Variants in UBE2K observed in about 807,000 individuals in gnomAD.
The protein encoded by UBE2K is ubiquitin conjugating enzyme E2 K, also known as ubiquitin-conjugating enzyme E2 K.
A neutral mutation model predicts 30.0 loss-of-function variants in UBE2K; 6 were observed. That is an observed-to-expected ratio of 0.20 (90% CI 0.11 to 0.39). UBE2K has a LOEUF of 0.39. UBE2K is among the 10% of genes least tolerant of loss of function. UBE2K has a pLI of 1.00. For missense variants in UBE2K, 61 were observed against 241.6 expected (o/e 0.25, Z 4.96); for synonymous variants, 86 against 83.7 (o/e 1.03, Z -0.15).
rs1015534165 is a variant in UBE2K at position 39,753,420 on chromosome 4, A to T, written c.217-2237A>T. Among the ~76,000 whole-genome samples the T allele has an allele frequency of 2.6e-5, 4 of 152,176 alleles. No homozygotes were observed. The South Asian group carries it at 8.3e-4, about 31-fold the overall frequency. On this transcript the variant is annotated intron_variant, in intron 3 of 6. Coordinates refer to ENST00000261427, the MANE Select transcript of UBE2K (RefSeq NM_005339.5). Reference sequence around the variant, plus strand: ...TACTGTCTTACTTAGCTTGCATTGTATTTGATATTTAGCCTTATAATAACA... The same window carrying T: ...TACTGTCTTACTTAGCTTGCATTGTTTTTGATATTTAGCCTTATAATAACA...
intron 1 of UBE2K, among the ~76,000 whole-genome samples, chr4:39,706,779 C>T (rs1216974819): frequency 6.6e-6 from 1 of 151,938 alleles, no homozygotes; most frequent in East Asian, 1.9e-4. Flanking sequence ...TTAACAGTTA[C>T]CGAACATGTT....
chr4:39,737,559 G>C, intron 2 of UBE2K, 46 bp downstream of exon 2: 1 of 1,193,500 alleles, frequency 8.4e-7, no homozygotes, highest in Non-Finnish European at 1.2e-6. Flanking sequence ...ATTAGAACTT[G>C]TCTGAAACAT....
At chr4:39,750,026 C>G (rs1480053542) in intron 3 of UBE2K, among the ~76,000 whole-genome samples, 1 of 152,044 alleles carries the variant, frequency 6.6e-6, no homozygotes, top group Non-Finnish European at 1.5e-5. Context: ...TGGTGAAACC[C>G]CATCTCTACT....
At chr4:39,714,517 C>CATATATATATATATATATATATAT (rs71645182) in intron 1 of UBE2K, 1 of 41,638 alleles carries the variant, frequency 2.4e-5, no homozygotes, top group South Asian at 1.4e-3. Context: ...TTAGAAGTTT[C>CATATATATATATATATATATATAT]ATATATATAT....
chr4:39,770,828 T>A, intron 4 of UBE2K: 1 of 1,547,486 alleles, frequency 6.5e-7, no homozygotes, highest in Non-Finnish European at 8.7e-7. Flanking sequence ...AGATGTCAGA[T>A]ACGTCCTCAT....
intron 1 of UBE2K, among the ~76,000 whole-genome samples, chr4:39,731,399 A>G (rs1720066621): frequency 6.6e-6 from 1 of 151,988 alleles, no homozygotes; most frequent in Non-Finnish European, 1.5e-5. Context: ...CATAAGCTTC[A>G]GAAAACACGG....
At chr4:39,740,524 C>T (rs750096657) in intron 2 of UBE2K, among the ~76,000 whole-genome samples, 1 of 147,980 alleles carries the variant, frequency 6.8e-6, no homozygotes. Context: ...GCCTGGGCGA[C>T]AGCGAGACTC....
chr4:39,713,255 G>T (rs1172042520), intron 1 of UBE2K, among the ~76,000 whole-genome samples: 2 of 139,498 alleles, frequency 1.4e-5, no homozygotes, highest in Non-Finnish European at 3.1e-5. Context: ...AAAATTAGGT[G>T]GTTTGTAGTT....
At chr4:39,768,809 T>G (rs1265836468) in intron 4 of UBE2K, among the ~76,000 whole-genome samples, 1 of 152,228 alleles carries the variant, frequency 6.6e-6, no homozygotes, top group Non-Finnish European at 1.5e-5. Context: ...TTCATTGTTT[T>G]TATAGTAGCC....
At chr4:39,770,316 C>T (rs1712699414) in intron 4 of UBE2K, 5 of 1,612,874 alleles carry the variant, frequency 3.1e-6, no homozygotes, top group Middle Eastern at 1.7e-4. Flanking sequence ...CTTGACACCA[C>T]GATGCACGTT....
intron 4 of UBE2K, among the ~76,000 whole-genome samples, chr4:39,762,927 C>T (rs903579978): frequency 9.3e-5 from 13 of 139,658 alleles, no homozygotes; most frequent in African/African-American, 3.4e-4. Context: ...CGCACCCGGC[C>T]AAAAAACACT....
At chr4:39,744,123 A>C (rs1720857649) in intron 2 of UBE2K, among the ~76,000 whole-genome samples, 2 of 152,148 alleles carry the variant, frequency 1.3e-5, no homozygotes, top group Admixed American at 6.6e-5. Context: ...TCAGCCTCCC[A>C]AAGTGCTGGG....
intron 4 of UBE2K, among the ~76,000 whole-genome samples, chr4:39,763,763 T>C (rs1370015086): frequency 6.6e-6 from 1 of 152,218 alleles, no homozygotes; most frequent in South Asian, 2.1e-4. Context: ...TTTATTTTTA[T>C]TTTTTGAGAC....
intron 4 of UBE2K, 47 bp from the exon 5 acceptor site, chr4:39,774,787 C>A: frequency 8.2e-7 from 1 of 1,222,732 alleles, no homozygotes; most frequent in Non-Finnish European, 1.1e-6. Flanking sequence ...TTTGCTTTTG[C>A]CTGCAGAGCC....
intron 1 of UBE2K, among the ~76,000 whole-genome samples, chr4:39,722,103 C>G (rs1412928351): frequency 6.6e-6 from 1 of 152,068 alleles, no homozygotes; most frequent in African/African-American, 2.4e-5. Context: ...AAAAAAACCC[C>G]AAACTTCTAT....
intron 1 of UBE2K, among the ~76,000 whole-genome samples, chr4:39,716,721 G>T (rs1719084916): frequency 6.6e-6 from 1 of 152,130 alleles, no homozygotes; most frequent in Admixed American, 6.6e-5. Flanking sequence ...AATGAGGCCA[G>T]ACACGGTGGC....
chr4:39,771,921 AC>A (rs1043293474), intron 4 of UBE2K, among the ~76,000 whole-genome samples: 4 of 151,944 alleles, frequency 2.6e-5, no homozygotes, highest in African/African-American at 9.7e-5. Context: ...ACTCACTATA[AC>A]CTTCGCCTCC....
chr4:39,766,151 T>C (rs1712319935), intron 4 of UBE2K, among the ~76,000 whole-genome samples: 2 of 152,080 alleles, frequency 1.3e-5, no homozygotes, highest in South Asian at 4.1e-4. Context: ...TAACTCTGTG[T>C]TTTTTGTGTG....
At chr4:39,709,374 A>G (rs1036799407) in intron 1 of UBE2K, among the ~76,000 whole-genome samples, 20 of 152,066 alleles carry the variant, frequency 1.3e-4, no homozygotes, top group Non-Finnish European at 1.6e-4. Flanking sequence ...CTGTGTGCCA[A>G]TAATCCATGG....
Sources: allele counts gnomAD v4.1 joint callset (sites outside exome capture counted in the v4.1 genomes callset), GRCh38; gene constraint gnomAD v4.1.1; transcripts MANE v1.5; gene names NCBI Gene and HGNC (gene_info 2026-07-23, HGNC 2026-07-21).